PNPLA7: variants seen among roughly 807,000 people sequenced by gnomAD.
PNPLA7 encodes the protein patatin like domain 7, lysophospholipase.
In PNPLA7, 153 loss-of-function variants were observed where a neutral mutation model predicts 161.7. The observed-to-expected ratio is 0.95, with a 90% confidence interval of 0.83 to 1.08. The LOEUF (loss-of-function observed/expected upper bound fraction) is 1.08. Among genes scored for constraint, PNPLA7 ranks in the 50% least tolerant of loss-of-function variants. The probability of loss-of-function intolerance (pLI) is 0.00; values close to 1 mark genes in which losing one functional copy is unlikely to be tolerated. For missense variants in PNPLA7, 1,739 were observed against 1,856.6 expected (o/e 0.94, Z 1.16); for synonymous variants, 809 against 782.1 (o/e 1.03, Z -0.57).
chr9:137,503,150 G>C (rs1833591862), intron 14 of PNPLA7, among the ~76,000 whole-genome samples: 1 of 152,038 alleles, frequency 6.6e-6, no homozygotes, highest in Admixed American at 6.5e-5. Context: ...TGGAGGCCGA[G>C]GCAGGTAGAT....
At chr9:137,470,711 T>C (rs1426757632) in intron 25 of PNPLA7, among the ~76,000 whole-genome samples, 2 of 152,148 alleles carry the variant, frequency 1.3e-5, no homozygotes, top group Admixed American at 1.3e-4. Context: ...CTTACTCAGG[T>C]TTGAGTAGAA....
In PNPLA7 at chr9:137,500,749, T is replaced by G; in HGVS notation, c.1699A>C (p.Thr567Pro). 6.2e-7 allele frequency: 1 copy of G among 1,612,114 alleles called. No individual in the cohort carries two copies. ...AVLTGEPLIF[T>P]VKANRDCSFL... ...CTGCAGTCCCTGTTGGCCTTGACGGTGAAGATGAGAGGCTCCCCGGTGAGC... is the reference window on the plus strand; with the variant it reads ...CTGCAGTCCCTGTTGGCCTTGACGGGGAAGATGAGAGGCTCCCCGGTGAGC... The change falls in exon 16 of 35, where the codon ACC (threonine) becomes CCC (proline). Residue 567 changes from threonine (T) to proline (P), a missense_variant. Physicochemically the swap from Thr to Pro is conservative, Grantham distance 38. This residue lies in a region of PNPLA7 where 481 missense variants were observed against 450.0 expected (regional missense o/e 1.07). Transcript: ENST00000406427. This position sits in a 1 kb window ranked among gnomAD's most constrained non-coding sequence, Gnocchi z 5.5.
At chr9:137,461,795 C>G (rs1831211455) in intron 32 of PNPLA7, 136 bp downstream of exon 32, 2 of 1,205,720 alleles carry the variant, frequency 1.7e-6, no homozygotes, top group South Asian at 3.0e-5. Flanking sequence ...TTGTCCTGGC[C>G]CTGGAGTCTT....
intron 22 of PNPLA7, 37 bp from the exon 23 acceptor site, chr9:137,480,517 G>A (rs781205377): frequency 2.5e-6 from 4 of 1,576,180 alleles, no homozygotes; most frequent in Non-Finnish European, 3.5e-6. Context: ...CTACTCCGCA[G>A]GGGCCTGGCA....
chr9:137,472,080 C>T (rs995888130), intron 25 of PNPLA7, among the ~76,000 whole-genome samples: 1 of 137,296 alleles, frequency 7.3e-6, no homozygotes, highest in African/African-American at 2.7e-5. Context: ...GGGCCACTGG[C>T]ACTAAGGATA....
chr9:137,496,502 G>A (rs532489860), intron 18 of PNPLA7, among the ~76,000 whole-genome samples: 9 of 152,046 alleles, frequency 5.9e-5, no homozygotes, highest in Admixed American at 5.9e-4. Context: ...ACCTGCGGTC[G>A]GGAGTTGGAG....
rs1185718689 is a variant in PNPLA7 at position 137,477,689 on chromosome 9, C to T, written c.2882+345G>A. Among the ~76,000 whole-genome samples the T allele has an allele frequency of 6.6e-5, 10 of 152,344 alleles. No homozygotes were observed. In the East Asian group the frequency reaches 7.7e-4, roughly 12 times the overall value. ...CAATCTCTTGACCTCGTGATCTGCC[C>T]GCCTCGGCCTCCCAAAGTGCTGGGA... On this transcript the variant is annotated intron_variant, in intron 25 of 34. Transcript: ENST00000406427.
At chr9:137,462,367 G>A (rs755731453) in intron 30 of PNPLA7, 36 bp from the exon 31 acceptor site, 2 of 1,568,750 alleles carry the variant, frequency 1.3e-6, no homozygotes, top group African/African-American at 1.3e-5. Flanking sequence ...CTCCTGCCCC[G>A]GCCCCTACCC....
intron 19 of PNPLA7, among the ~76,000 whole-genome samples, chr9:137,494,622 A>C (rs1588596164): frequency 3.6e-5 from 4 of 111,294 alleles, no homozygotes; most frequent in Admixed American, 1.8e-4. Flanking sequence ...CTGCTCCGTG[A>C]CCTCATCCAC....
chr9:137,478,260 AC>A, intron 24 of PNPLA7, 108 bp from the exon 25 acceptor site: 1 of 817,942 alleles, frequency 1.2e-6, no homozygotes, highest in Non-Finnish European at 1.7e-6. Flanking sequence ...ACCCAAACTG[AC>A]CCCAAATCCT....
Position 137,486,654 on chromosome 9 carries a change from G to A in PNPLA7, c.2198-1918C>T, listed in dbSNP as rs1832499641. On this transcript the variant is annotated intron_variant, in intron 20 of 34. Coordinates refer to ENST00000406427, the MANE Select transcript of PNPLA7 (RefSeq NM_001098537.3). This position sits in a 1 kb window ranked among gnomAD's most constrained non-coding sequence, Gnocchi z 6.0. ...CTCCTACCCGACCCACCAAAGCTCA[G>A]TCCCCGCCCTCAGTCCAACTCAGCA... Among the ~76,000 whole-genome samples, 1 of 151,994 alleles carries A rather than the reference G, an allele frequency of 6.6e-6. No individual in the cohort carries two copies. The highest frequency in any genetic ancestry group is 1.5e-5 in the Non-Finnish European group (1 of 68,002).
At chr9:137,545,102 G>A (rs182572191) in intron 4 of PNPLA7, among the ~76,000 whole-genome samples, 33 of 152,212 alleles carry the variant, frequency 2.2e-4, no homozygotes, top group African/African-American at 7.5e-4. Flanking sequence ...GCAGGGAGGC[G>A]GCCAGGGGAG....
In PNPLA7 at chr9:137,480,499, G is replaced by GT. The variant is rs1232847184; in HGVS notation, c.2412-20dup. 6.3e-7 allele frequency: 1 copy of GT among 1,593,180 alleles called. No individual in the cohort carries two copies. The highest frequency in any genetic ancestry group is 1.3e-5 in the African/African-American group (1 of 74,384). The stretch of plus-strand genomic sequence containing the variant: ...GTGAACACTGCAGCACGCAGAGGGA[G>GT]TACCTCACTACTCCGCAGGGGCCTG... On this transcript the variant is annotated intron_variant, in intron 22 of 34. Coordinates refer to ENST00000406427, the MANE Select transcript of PNPLA7 (RefSeq NM_001098537.3).
intron 9 of PNPLA7, 49 bp from the exon 10 acceptor site, chr9:137,521,765 G>A: frequency 6.5e-7 from 1 of 1,538,842 alleles, no homozygotes. Flanking sequence ...GGGGTACAGG[G>A]CGGGCCCCCG....
chr9:137,518,075 C>T (rs1302457521), intron 11 of PNPLA7, among the ~76,000 whole-genome samples: 1 of 117,282 alleles, frequency 8.5e-6, no homozygotes. Flanking sequence ...TCTGTCCACT[C>T]CATCCCCCGT....
intron 11 of PNPLA7, among the ~76,000 whole-genome samples, chr9:137,517,103 CCT>C: frequency 6.8e-6 from 1 of 146,220 alleles, no homozygotes; most frequent in African/African-American, 2.5e-5. Context: ...CCACTCCATC[CCT>C]CACTCACTCA....
chr9:137,523,293 G>C lies in PNPLA7; in HGVS notation c.748-436C>G, dbSNP rs1252449450. On this transcript the variant is annotated intron_variant, in intron 8 of 34. Transcript: ENST00000406427. The surrounding 1 kb of genome is among the most constrained non-coding windows in gnomAD (Gnocchi z 4.4). ...CTAAAAAGGCCACCGAGAGGGTCAG[G>C]AGCCACCACTGTCAAATGCCCACCG... 6.6e-6 allele frequency among the ~76,000 whole-genome samples: 1 copy of C among 152,118 alleles called. No homozygotes were observed. The highest frequency in any genetic ancestry group is 2.4e-5 in the African/African-American group (1 of 41,418).
intron 12 of PNPLA7, among the ~76,000 whole-genome samples, chr9:137,506,520 C>T (rs998678266): frequency 1.3e-5 from 2 of 152,132 alleles, no homozygotes; most frequent in African/African-American, 2.4e-5. Flanking sequence ...GCTCCCCTAA[C>T]GGGTGCCCTG....
At position 137,480,618 on chromosome 9, in the gene PNPLA7, G is replaced by A. The variant is rs75945013; in HGVS notation, c.2412-138C>T. The A allele has an allele frequency of 2.5e-3, 2,528 of 1,006,824 alleles. 49 individuals carry two copies. In the African/African-American group the frequency reaches 0.035, roughly 14 times the overall value. 62.4% of individuals were successfully genotyped at this position (1,006,824 alleles called of 1,614,324 possible). On this transcript the variant is annotated intron_variant, in intron 22 of 34. Transcript: ENST00000406427. The stretch of plus-strand genomic sequence containing the variant: ...TCCCTGCCCAGCACTTCCTGCCATC[G>A]CTAGTTCGCAGTGAGTTATTCAGGG...
Sources: gnomAD v4.1 joint callset for allele counts (sites outside exome capture counted in the v4.1 genomes callset) on GRCh38, gnomAD v4.1.1 for gene constraint, gnomAD v4.1.1 regional missense constraint, Gnocchi (gnomAD v3.1) non-coding constraint, MANE v1.5 for transcripts, NCBI Gene and HGNC (gene_info 2026-07-23, HGNC 2026-07-21) for gene names.